The following SUZ12 variants were observed in gnomAD, a reference collection of about 807,000 sequenced individuals.
SUZ12 encodes SUZ12 polycomb repressive complex 2 subunit.
Under a neutral mutation model 87.3 loss-of-function variants are expected in SUZ12, and 17 were observed. That is an observed-to-expected ratio of 0.19 (90% confidence interval 0.13 to 0.29). The LOEUF (loss-of-function observed/expected upper bound fraction) is 0.29. Among genes scored for constraint, SUZ12 ranks in the 10% least tolerant of loss-of-function variants. The pLI, the probability that SUZ12 is intolerant of heterozygous loss-of-function variation, is 1.00. For synonymous variants in SUZ12, 253 were observed against 312.4 expected (o/e 0.81, Z 2.01); for missense variants, 526 against 912.2 (o/e 0.58, Z 5.45).
At chr17:31,977,172 A>G (rs944879920) in intron 8 of SUZ12, among the ~76,000 whole-genome samples, 15 of 151,608 alleles carry the variant, frequency 9.9e-5, no homozygotes, top group African/African-American at 3.4e-4. Flanking sequence ...GCTACATAGG[A>G]GGCTAAGGTG....
chr17:31,979,573 T>G (rs1908976005), intron 8 of SUZ12, among the ~76,000 whole-genome samples: 1 of 152,194 alleles, frequency 6.6e-6, no homozygotes, highest in Non-Finnish European at 1.5e-5. Context: ...GTATCTCAAT[T>G]AGGACTTCTG....
At chr17:31,985,181 A>G (rs1209617924) in intron 9 of SUZ12, among the ~76,000 whole-genome samples, 2 of 144,034 alleles carry the variant, frequency 1.4e-5, no homozygotes, top group Admixed American at 6.9e-5. Context: ...AAAAAAAAAA[A>G]GGTTGATACA....
At chr17:31,952,207 C>T (rs141641426) in intron 4 of SUZ12, among the ~76,000 whole-genome samples, 7 of 152,220 alleles carry the variant, frequency 4.6e-5, no homozygotes, top group African/African-American at 1.7e-4. Context: ...ACTACAGGTG[C>T]ATGCCACCAT....
chr17:31,942,206 G>C (rs1391117279), intron 3 of SUZ12, among the ~76,000 whole-genome samples: 7 of 152,040 alleles, frequency 4.6e-5, no homozygotes, highest in Admixed American at 2.0e-4. Context: ...ATTTACTAAA[G>C]GGCTCAGGGT....
At chr17:31,943,628 CA>C (rs1261364942) in intron 3 of SUZ12, among the ~76,000 whole-genome samples, 1 of 152,102 alleles carries the variant, frequency 6.6e-6, no homozygotes. Context: ...CAGATTTGAC[CA>C]TGGTCCATAG....
At chr17:31,937,554 C>T (rs750437813) in intron 1 of SUZ12, 34 bp downstream of exon 1, 66 of 1,529,736 alleles carry the variant, frequency 4.3e-5, no homozygotes, top group Non-Finnish European at 5.7e-5. Flanking sequence ...GGCAGGAAGA[C>T]CCACTCTGCC....
intron 1 of SUZ12, among the ~76,000 whole-genome samples, chr17:31,939,579 A>G (rs1906146216): frequency 6.6e-6 from 1 of 151,486 alleles, no homozygotes; most frequent in African/African-American, 2.4e-5. Context: ...GCTGGAGTAC[A>G]ATGACGCGAT....
At position 31,988,253 on chromosome 17, in the gene SUZ12, T is replaced by A. The variant is rs1019649020; in HGVS notation, c.1024-67T>A. The stretch of plus-strand genomic sequence containing the variant: ...ACATTGACTTATAATGAATTTTTTT[T>A]AATTTCTACAATTTATTTGAATTCA... On this transcript the variant is annotated intron_variant, in intron 9 of 15. Coordinates refer to ENST00000322652, the MANE Select transcript of SUZ12 (RefSeq NM_015355.4). The A allele has an allele frequency of 5.2e-5, 74 of 1,428,592 alleles. No homozygotes were observed. In the Middle Eastern group the frequency reaches 5.5e-4, roughly 11 times the overall value. 88.5% of individuals were successfully genotyped at this position (1,428,592 alleles called of 1,614,324 possible).
At chr17:31,982,556 G>A (rs185062358) in intron 8 of SUZ12, among the ~76,000 whole-genome samples, 257 of 152,260 alleles carry the variant, frequency 1.7e-3, no homozygotes, top group African/African-American at 5.6e-3. Flanking sequence ...CTACTCGGGA[G>A]GCTGAGGCAG....
chr17:31,972,019 C>T (rs549476763), intron 5 of SUZ12, among the ~76,000 whole-genome samples: 16 of 152,100 alleles, frequency 1.1e-4, no homozygotes, highest in Non-Finnish European at 1.3e-4. Context: ...TGTGGTGGCT[C>T]ACACCTGTAA....
intron 4 of SUZ12, among the ~76,000 whole-genome samples, chr17:31,956,832 A>G (rs1907374667): frequency 6.6e-6 from 1 of 152,004 alleles, no homozygotes; most frequent in Non-Finnish European, 1.5e-5. Context: ...TGGCTCAGCA[A>G]TGTCGCCATC....
At chr17:31,955,821 GTCC>G (rs1269700472) in intron 4 of SUZ12, among the ~76,000 whole-genome samples, 1 of 152,006 alleles carries the variant, frequency 6.6e-6, no homozygotes, top group Non-Finnish European at 1.5e-5. Flanking sequence ...GCCTCTAACA[GTCC>G]TCCTGTCTCA....
chr17:31,954,288 C>T (rs1002736478), intron 4 of SUZ12, among the ~76,000 whole-genome samples: 2 of 152,098 alleles, frequency 1.3e-5, no homozygotes, highest in Admixed American at 1.3e-4. Context: ...GTTTCGAACT[C>T]CTGACCTCGT....
chr17:31,950,872 C>T lies in SUZ12; in HGVS notation c.455+3187C>T, dbSNP rs1321849393. On this transcript the variant is annotated intron_variant, in intron 4 of 15. Coordinates refer to ENST00000322652, the MANE Select transcript of SUZ12 (RefSeq NM_015355.4). The stretch of plus-strand genomic sequence containing the variant: ...TCAGCTCACTGCAGGCTCTGCCCGC[C>T]GGGGTTCACGCCATTCTCCTGCCTC... Among the ~76,000 whole-genome samples the T allele has an allele frequency of 8.5e-5, 13 of 152,144 alleles. No individual in the cohort carries two copies. In the South Asian group the frequency reaches 2.5e-3, roughly 29 times the overall value.
chr17:31,982,784 A>G (rs531748058), intron 8 of SUZ12, among the ~76,000 whole-genome samples: 13 of 152,370 alleles, frequency 8.5e-5, no homozygotes, highest in Non-Finnish European at 1.5e-4. Context: ...CTGAGTAGCT[A>G]CAGTAATGAA....
intron 4 of SUZ12, among the ~76,000 whole-genome samples, chr17:31,949,843 C>A (rs1192652719): frequency 6.6e-6 from 1 of 151,376 alleles, no homozygotes; most frequent in Non-Finnish European, 1.5e-5. Context: ...ACCACCACAC[C>A]CAGCTGATTT....
At position 31,937,112 on chromosome 17, in the gene SUZ12, C is replaced by T; in HGVS notation, c.-135C>T. The T allele has an allele frequency of 2.8e-6, 2 of 714,858 alleles. No homozygotes were observed. Among genetic ancestry groups the T allele is most frequent in the Non-Finnish European group, 4.1e-6 (2 of 490,996 alleles). The allele number at this position is 714,858 out of a possible 1,614,324, so 44.3% of individuals were successfully genotyped here. A position where few individuals can be genotyped will look rare whatever the true frequency, so the allele number is the denominator to read the frequency against. On this transcript the variant is annotated 5_prime_UTR_variant, in exon 1 of 16. Coordinates refer to ENST00000322652, the MANE Select transcript of SUZ12 (RefSeq NM_015355.4). ...CCCTCCTCTCCTCCTCCCTTCCCTT[C>T]CCCTCTCCTCCCCTCTCTCCTCCTT...
Position 31,993,092 on chromosome 17 carries a change from G to C in SUZ12, c.1202-150G>C. 7.7e-6 allele frequency: 4 copies of C among 522,452 alleles called. No homozygotes were observed. The East Asian group carries it at 1.4e-4, about 18-fold the overall frequency. 32.4% of individuals were successfully genotyped at this position (522,452 alleles called of 1,614,324 possible). The stretch of plus-strand genomic sequence containing the variant: ...GCTGAATTATGGGTATTTTTCCTGC[G>C]ATCATCAGTTGAGGGAGATAACAGA... On this transcript the variant is annotated intron_variant, in intron 10 of 15. Transcript: ENST00000322652.
Position 31,956,767 on chromosome 17 carries a change from T to C in SUZ12, c.455+9082T>C, listed in dbSNP as rs138171768. 3.0e-3 allele frequency among the ~76,000 whole-genome samples: 448 copies of C among 151,806 alleles called. 4 individuals carry two copies. Among genetic ancestry groups the C allele is most frequent in the African/African-American group, 9.1e-3 (378 of 41,436 alleles). On this transcript the variant is annotated intron_variant, in intron 4 of 15. Transcript: ENST00000322652. ...ATATATACGTGTGTGTGTGTATATA[T>C]ATGTATATATGTATATATATATATT...
Sources: gnomAD v4.1 joint callset for allele counts (sites outside exome capture counted in the v4.1 genomes callset) on GRCh38, gnomAD v4.1.1 for gene constraint, MANE v1.5 for transcripts, NCBI Gene and HGNC (gene_info 2026-07-23, HGNC 2026-07-21) for gene names.